CSPP1: variants seen among roughly 807,000 people sequenced by gnomAD.
The protein encoded by CSPP1 is centrosome and spindle pole-associated protein 1.
In CSPP1, 126 loss-of-function variants were observed where a neutral mutation model predicts 164.4. That is an observed-to-expected ratio of 0.77 (90% confidence interval 0.66 to 0.89). CSPP1 has a LOEUF of 0.89. CSPP1 is among the 40% of genes least tolerant of loss of function. The pLI, the probability that CSPP1 is intolerant of heterozygous loss-of-function variation, is 0.00. For missense variants in CSPP1, 1,395 were observed against 1,449.8 expected, an observed-to-expected ratio of 0.96 and a Z score of 0.61; for synonymous variants, 472 against 476.7, an observed-to-expected ratio of 0.99 and a Z score of 0.13.
Position 67,154,091 on chromosome 8 carries a change from TC to T in CSPP1, c.2197del (p.Gln733ArgfsTer30). On this transcript the variant is annotated frameshift_variant, in exon 19 of 31. Transcript: ENST00000678616. LOFTEE classifies it high-confidence loss of function. Reference protein sequence around the residue: ...NVFGEPPTELQIKQQELYKNF... With the variant: ...NVFGEPPTELXIKQQELYKNF... Reference sequence around the variant, plus strand: ...TATTTGGTGAGCCTCCAACTGAACTTCAGATTAAACAGCAAGAATTATACAA... The same window carrying T: ...TATTTGGTGAGCCTCCAACTGAACTTAGATTAAACAGCAAGAATTATACAA... 6.2e-7 allele frequency: 1 copy of T among 1,602,846 alleles called. No individual in the cohort carries two copies. Among genetic ancestry groups the T allele is most frequent in the Non-Finnish European group, 8.5e-7 (1 of 1,170,306 alleles).
intron 3 of CSPP1, among the ~76,000 whole-genome samples, chr8:67,082,603 A>G (rs1299765438): frequency 2.0e-5 from 3 of 152,070 alleles, no homozygotes; most frequent in Non-Finnish European, 2.9e-5. Flanking sequence ...ATGCTTTTTC[A>G]TGGTAGTATA....
intron 13 of CSPP1, among the ~76,000 whole-genome samples, chr8:67,117,534 A>C (rs1818182226): frequency 6.6e-6 from 1 of 152,222 alleles, no homozygotes; most frequent in South Asian, 2.1e-4. Flanking sequence ...GCTAATGTAG[A>C]GGTTTTTAGA....
chr8:67,123,592 A>C (rs1278755933), intron 15 of CSPP1, among the ~76,000 whole-genome samples: 1 of 140,352 alleles, frequency 7.1e-6, no homozygotes, highest in African/African-American at 2.6e-5. Flanking sequence ...CTCCTTTATT[A>C]CCTTCTTTTT....
chr8:67,094,119 GAAAAAAAAAAAAA>G (rs71249416), intron 6 of CSPP1, among the ~76,000 whole-genome samples: 2 of 29,452 alleles, frequency 6.8e-5, no homozygotes, highest in African/African-American at 3.2e-4. Context: ...GACCTGGTCT[GAAAAAAAAAAAAA>G]AAAAAAAAAA....
intron 28 of CSPP1, among the ~76,000 whole-genome samples, chr8:67,185,540 T>C (rs1273014208): frequency 6.6e-6 from 1 of 152,134 alleles, no homozygotes. Flanking sequence ...ACATCACCAG[T>C]GGTCTGTCGG....
At chr8:67,163,161 G>C (rs1828700634) in intron 22 of CSPP1, among the ~76,000 whole-genome samples, 1 of 152,152 alleles carries the variant, frequency 6.6e-6, no homozygotes, top group Non-Finnish European at 1.5e-5. Flanking sequence ...TGATGACTTT[G>C]GTGAAGGCAG....
intron 10 of CSPP1, 72 bp downstream of exon 10, chr8:67,112,137 AT>A (rs1816976884): frequency 1.0e-6 from 1 of 985,218 alleles, no homozygotes. Flanking sequence ...ACATGGTTAA[AT>A]AAGGGGTTGT....
Position 67,147,590 on chromosome 8 carries a change from G to T in CSPP1, c.1976-2193G>T, listed in dbSNP as rs1014124882. ...CCCCATGCCACATTGTCAACAAAAA[G>T]CCTGATGACCTAATTTCAATTTAAT... On this transcript the variant is annotated intron_variant, in intron 17 of 30. Transcript: ENST00000678616. Among the ~76,000 whole-genome samples the T allele has an allele frequency of 4.6e-5, 7 of 151,938 alleles. No individual in the cohort carries two copies. The East Asian group carries it at 1.2e-3, about 25-fold the overall frequency.
intron 24 of CSPP1, among the ~76,000 whole-genome samples, chr8:67,167,580 C>T (rs1368420582): frequency 9.6e-5 from 13 of 135,770 alleles, no homozygotes; most frequent in East Asian, 2.3e-4. Flanking sequence ...ACTTCTCAGA[C>T]GGGGCAGCTG....
intron 16 of CSPP1, among the ~76,000 whole-genome samples, chr8:67,136,897 T>C (rs1822417246): frequency 6.6e-6 from 1 of 152,060 alleles, no homozygotes; most frequent in Non-Finnish European, 1.5e-5. Context: ...TGGTTGAGTC[T>C]GAAGTACCTT....
intron 28 of CSPP1, among the ~76,000 whole-genome samples, chr8:67,185,842 GA>G (rs1834428327): frequency 6.6e-6 from 1 of 152,070 alleles, no homozygotes; most frequent in Non-Finnish European, 1.5e-5. Flanking sequence ...AGTCAAATCA[GA>G]ATGGAAAAGA....
At chr8:67,186,808 G>A (rs1273701085) in intron 28 of CSPP1, among the ~76,000 whole-genome samples, 1 of 152,170 alleles carries the variant, frequency 6.6e-6, no homozygotes, top group African/African-American at 2.4e-5. Context: ...GAACTAGTAA[G>A]CAGTTATAAT....
intron 3 of CSPP1, chr8:67,081,110 A>G (rs907811265): frequency 2.6e-5 from 4 of 152,166 alleles, no homozygotes; most frequent in Non-Finnish European, 5.9e-5. Context: ...GGGGTTCACA[A>G]TGATTCACTT....
At chr8:67,133,848 T>A (rs930519381) in intron 16 of CSPP1, 3 of 152,202 alleles carry the variant, frequency 2.0e-5, no homozygotes, top group Non-Finnish European at 4.4e-5. Flanking sequence ...CTCAACAGTG[T>A]TCACAACATC....
At chr8:67,156,011 G>T (rs367707313) in intron 19 of CSPP1, among the ~76,000 whole-genome samples, 2 of 152,106 alleles carry the variant, frequency 1.3e-5, no homozygotes, top group African/African-American at 4.8e-5. Context: ...CCTGTTGAAC[G>T]TAAAGGACCG....
intron 12 of CSPP1, chr8:67,114,806 A>G (rs994311578): frequency 2.0e-5 from 3 of 152,230 alleles, no homozygotes; most frequent in Admixed American, 2.0e-4. Flanking sequence ...TGGTTACACT[A>G]GTGTGTGACA....
At chr8:67,077,593 G>A (rs560974068) in intron 3 of CSPP1, among the ~76,000 whole-genome samples, 2 of 152,266 alleles carry the variant, frequency 1.3e-5, no homozygotes, top group East Asian at 1.9e-4. Context: ...TGCCCGCCTC[G>A]GCCTCCCAAA....
At chr8:67,174,304 T>A (rs1831091783) in intron 25 of CSPP1, 1 of 152,206 alleles carries the variant, frequency 6.6e-6, no homozygotes, top group African/African-American at 2.4e-5. Flanking sequence ...GTTCTTTTGA[T>A]AATTTCTGAT....
intron 3 of CSPP1, among the ~76,000 whole-genome samples, chr8:67,083,273 C>T (rs1809586158): frequency 6.6e-6 from 1 of 151,754 alleles, no homozygotes; most frequent in Non-Finnish European, 1.5e-5. Flanking sequence ...GTGGCTGAGG[C>T]CTGTAATCCC....
Sources: allele counts gnomAD v4.1 joint callset (sites outside exome capture counted in the v4.1 genomes callset), GRCh38; gene constraint gnomAD v4.1.1; transcripts MANE v1.5; gene names NCBI Gene and HGNC (gene_info 2026-07-23, HGNC 2026-07-21).